Variants in SH3GL2 observed in about 807,000 individuals in gnomAD.
The protein encoded by SH3GL2 is SH3 domain containing GRB2 like 2, endophilin A1.
SH3GL2 carries 24 observed loss-of-function variants against 46.0 expected under a neutral mutation model. That is an observed-to-expected ratio of 0.52 (90% confidence interval 0.38 to 0.73). The LOEUF is 0.73. SH3GL2 is among the 30% of genes least tolerant of loss of function. The pLI is 0.00. For synonymous variants in SH3GL2, 196 were observed against 147.1 expected, an observed-to-expected ratio of 1.33 and a Z score of -2.40; for missense variants, 413 against 424.2, an observed-to-expected ratio of 0.97 and a Z score of 0.23.
chr9:17,662,183 T>C (rs1588214525), intron 1 of SH3GL2, among the ~76,000 whole-genome samples: 1 of 152,342 alleles, frequency 6.6e-6, no homozygotes, highest in East Asian at 1.9e-4. Context: ...TCAGTTCTTC[T>C]GTATCTTTGC....
chr9:17,601,953 G>A (rs1772629762), intron 1 of SH3GL2, among the ~76,000 whole-genome samples: 1 of 152,186 alleles, frequency 6.6e-6, no homozygotes, highest in Admixed American at 6.5e-5. Context: ...GTACTTTGGG[G>A]CTGGGAATCT....
At chr9:17,700,046 CTG>C (rs1327518687) in intron 1 of SH3GL2, among the ~76,000 whole-genome samples, 11 of 144,808 alleles carry the variant, frequency 7.6e-5, no homozygotes, top group Non-Finnish European at 1.2e-4. Flanking sequence ...CTGATGATCT[CTG>C]TGCAAGAAGA....
chr9:17,744,008 C>T (rs982636484), intron 1 of SH3GL2, among the ~76,000 whole-genome samples: 3 of 152,200 alleles, frequency 2.0e-5, no homozygotes, highest in African/African-American at 4.8e-5. Context: ...TTCTCTTTGA[C>T]AACAAATGGA....
At chr9:17,747,178 G>T (rs1241682948) in intron 2 of SH3GL2, 44 bp downstream of exon 2, 2 of 1,212,264 alleles carry the variant, frequency 1.6e-6, no homozygotes, top group African/African-American at 3.0e-5. Flanking sequence ...ACATAAACAT[G>T]TCTACCATAA....
At chr9:17,740,476 G>A (rs980107899) in intron 1 of SH3GL2, among the ~76,000 whole-genome samples, 1 of 150,840 alleles carries the variant, frequency 6.6e-6, no homozygotes, top group African/African-American at 2.5e-5. Flanking sequence ...GTATTGTATT[G>A]TATTGTATTG....
intron 1 of SH3GL2, among the ~76,000 whole-genome samples, chr9:17,691,709 G>T (rs144938458): frequency 2.0e-5 from 3 of 152,182 alleles, no homozygotes; most frequent in African/African-American, 4.8e-5. Flanking sequence ...AACATAGTTG[G>T]TATTTTATTA....
intron 1 of SH3GL2, among the ~76,000 whole-genome samples, chr9:17,701,037 A>G (rs576720648): frequency 1.2e-4 from 19 of 152,170 alleles, no homozygotes; most frequent in South Asian, 2.1e-4. Flanking sequence ...CTTAATCCCA[A>G]TTGGTAAAAT....
At chr9:17,753,668 CTT>C (rs1822910709) in intron 2 of SH3GL2, among the ~76,000 whole-genome samples, 3 of 152,148 alleles carry the variant, frequency 2.0e-5, no homozygotes, top group Admixed American at 2.0e-4. Flanking sequence ...TGCAAAAACT[CTT>C]TGGTATAATT....
intron 1 of SH3GL2, among the ~76,000 whole-genome samples, chr9:17,682,062 C>G (rs1221789307): frequency 6.6e-6 from 1 of 152,018 alleles, no homozygotes; most frequent in Non-Finnish European, 1.5e-5. Context: ...AGTCAAGAAA[C>G]AATAGATGTG....
rs73424562 is a variant in SH3GL2, at chr9:17,779,891, A to G, written c.188-6490A>G. On this transcript the variant is annotated intron_variant, in intron 3 of 8. Transcript: ENST00000380607. Reference sequence around the variant, plus strand: ...TGAAGTACTTACACACTTCCACTCTAAAATCTTCTCTTTGTCCTGTGTTCT... The same window carrying G: ...TGAAGTACTTACACACTTCCACTCTGAAATCTTCTCTTTGTCCTGTGTTCT... Among the ~76,000 whole-genome samples, 518 of 152,262 alleles carry G rather than the reference A, an allele frequency of 3.4e-3. 3 individuals carry two copies. The highest frequency in any genetic ancestry group is 0.012 in the African/African-American group (494 of 41,576).
intron 3 of SH3GL2, among the ~76,000 whole-genome samples, chr9:17,774,255 A>C (rs1823576826): frequency 6.6e-6 from 1 of 152,072 alleles, no homozygotes; most frequent in Non-Finnish European, 1.5e-5. Flanking sequence ...AGATAATTTT[A>C]CTTGTTTACA....
chr9:17,585,165 C>T lies in SH3GL2; in HGVS notation c.45+5878C>T, dbSNP rs543902346. On this transcript the variant is annotated intron_variant, in intron 1 of 8. Transcript: ENST00000380607. ...CAGAGTCTCAGGGCATCAAGCAACC[C>T]GAGGGCTTTCTTCAGAGGAGTAGCT... Among the ~76,000 whole-genome samples the T allele has an allele frequency of 9.9e-5, 15 of 152,050 alleles. No individual in the cohort carries two copies. The East Asian group carries it at 1.2e-3, about 12-fold the overall frequency.
intron 1 of SH3GL2, among the ~76,000 whole-genome samples, chr9:17,687,027 G>A (rs1820932037): frequency 6.6e-6 from 1 of 151,972 alleles, no homozygotes; most frequent in Admixed American, 6.6e-5. Context: ...TTGATTGTTT[G>A]TATTTTTAGC....
rs141041708 is a variant in SH3GL2, at chr9:17,740,572, C to T, written c.46-6494C>T. Among the ~76,000 whole-genome samples, 555 of 152,142 alleles carry T rather than the reference C, an allele frequency of 3.6e-3. 3 individuals carry two copies. The highest frequency in any genetic ancestry group is 0.013 in the African/African-American group (534 of 41,526). On this transcript the variant is annotated intron_variant, in intron 1 of 8. Coordinates refer to ENST00000380607, the MANE Select transcript of SH3GL2 (RefSeq NM_003026.5). ...CAGAGGATGGTCTTTTATTTATTAT[C>T]AGAGGTGATGCCTTTCTATAAATAT... is the stretch of plus-strand genomic sequence containing the variant.
At chr9:17,643,009 C>A (rs1819722178) in intron 1 of SH3GL2, among the ~76,000 whole-genome samples, 1 of 152,152 alleles carries the variant, frequency 6.6e-6, no homozygotes, top group East Asian at 1.9e-4. Flanking sequence ...ATTGATTCTT[C>A]CTGTCCACGA....
At chr9:17,687,519 A>G (rs913119277) in intron 1 of SH3GL2, among the ~76,000 whole-genome samples, 6 of 152,096 alleles carry the variant, frequency 3.9e-5, no homozygotes, top group Non-Finnish European at 4.4e-5. Context: ...TTTCAATTGT[A>G]AATACAATTG....
chr9:17,656,770 C>CAAAAAAAAA (rs36079244), intron 1 of SH3GL2, among the ~76,000 whole-genome samples: 4 of 101,564 alleles, frequency 3.9e-5, no homozygotes, highest in African/African-American at 7.2e-5. Context: ...GACTACATCT[C>CAAAAAAAAA]AAAAAAAAAA....
intron 3 of SH3GL2, among the ~76,000 whole-genome samples, chr9:17,765,729 A>C (rs1351962452): frequency 5.3e-5 from 8 of 151,992 alleles, no homozygotes; most frequent in Non-Finnish European, 8.8e-5. Context: ...TTCCCCTGTC[A>C]CTGTCCCTCT....
chr9:17,770,626 T>C (rs1823448610), intron 3 of SH3GL2, among the ~76,000 whole-genome samples: 1 of 152,196 alleles, frequency 6.6e-6, no homozygotes, highest in Admixed American at 6.5e-5. Context: ...CGATGGTGCA[T>C]CACTCCCATG....
Sources: allele counts gnomAD v4.1 joint callset (sites outside exome capture counted in the v4.1 genomes callset), GRCh38; gene constraint gnomAD v4.1.1; transcripts MANE v1.5; gene names NCBI Gene and HGNC (gene_info 2026-07-23, HGNC 2026-07-21).